NEDD4L: variants seen among roughly 807,000 people sequenced by gnomAD.
The protein encoded by NEDD4L is NEDD4 like E3 ubiquitin protein ligase.
NEDD4L carries 54 observed loss-of-function variants against 148.9 expected under a neutral mutation model. The ratio of observed to expected loss-of-function variants is 0.36; its 90% CI spans 0.29 to 0.45. The LOEUF is 0.45. Ranked by LOEUF, NEDD4L falls within the 20% of genes least tolerant of loss-of-function variation. The probability of loss-of-function intolerance (pLI) is 1.00; values close to 1 mark genes in which losing one functional copy is unlikely to be tolerated. For synonymous variants in NEDD4L, 433 were observed against 440.7 expected (o/e 0.98, Z 0.22); for missense variants, 856 against 1,233.8 (o/e 0.69, Z 4.59).
intron 5 of NEDD4L, among the ~76,000 whole-genome samples, chr18:58,279,333 G>A (rs756323388): frequency 6.6e-6 from 1 of 152,146 alleles, no homozygotes. Flanking sequence ...AAGTTCAAAC[G>A]AAGAAGAAGA....
intron 5 of NEDD4L, among the ~76,000 whole-genome samples, chr18:58,303,387 T>C (rs1354972488): frequency 6.6e-6 from 1 of 152,198 alleles, no homozygotes; most frequent in East Asian, 1.9e-4. Flanking sequence ...TCACATTTCC[T>C]CTCTCATGTT....
At chr18:58,092,447 C>T (rs1248904763) in intron 1 of NEDD4L, among the ~76,000 whole-genome samples, 3 of 151,994 alleles carry the variant, frequency 2.0e-5, no homozygotes, top group African/African-American at 7.3e-5. Context: ...AGGCCCAGGG[C>T]GTCCAAGGGA....
chr18:58,281,151 A>AT (rs145042033), intron 5 of NEDD4L, among the ~76,000 whole-genome samples: 3,094 of 151,884 alleles, frequency 0.02, 93 homozygotes, highest in African/African-American at 0.06. Context: ...CTAATCTTTT[A>AT]TTTTTTTGTA....
intron 2 of NEDD4L, among the ~76,000 whole-genome samples, chr18:58,186,670 A>G (rs1274029951): frequency 6.6e-6 from 1 of 152,232 alleles, no homozygotes; most frequent in Non-Finnish European, 1.5e-5. Context: ...CAGATGAGAA[A>G]AATGGAGGAT....
intron 2 of NEDD4L, among the ~76,000 whole-genome samples, chr18:58,234,225 C>A (rs1294475092): frequency 2.2e-5 from 3 of 136,838 alleles, no homozygotes; most frequent in South Asian, 2.5e-4. Flanking sequence ...CCCTTCCTTC[C>A]TTCTTTCTTT....
chr18:58,273,012 TG>T (rs2148840726), intron 5 of NEDD4L, among the ~76,000 whole-genome samples: 1 of 152,328 alleles, frequency 6.6e-6, no homozygotes, highest in South Asian at 2.1e-4. Context: ...AGGAGTGGCC[TG>T]TAAGCTGAGG....
At chr18:58,165,496 C>A in intron 1 of NEDD4L, 1 of 203,132 alleles carries the variant, frequency 4.9e-6, no homozygotes, top group Non-Finnish European at 8.7e-6. Flanking sequence ...GTTCTTGGTA[C>A]AGCTGGAAAA....
chr18:58,217,119 A>G (rs532400810), intron 2 of NEDD4L, among the ~76,000 whole-genome samples: 1 of 152,234 alleles, frequency 6.6e-6, no homozygotes, highest in South Asian at 2.1e-4. Flanking sequence ...TGTTATAGTG[A>G]GTTGATTGTA....
intron 5 of NEDD4L, among the ~76,000 whole-genome samples, chr18:58,312,676 GT>G (rs1049855551): frequency 1.5e-5 from 2 of 132,344 alleles, no homozygotes; most frequent in African/African-American, 8.7e-5. Context: ...GACATTTTTT[GT>G]TTGTTTGTTT....
chr18:58,090,293 C>T (rs1433044209), intron 1 of NEDD4L, among the ~76,000 whole-genome samples: 1 of 152,154 alleles, frequency 6.6e-6, no homozygotes, highest in African/African-American at 2.4e-5. Flanking sequence ...GGAGGTTTTA[C>T]TATAAGTGTA....
chr18:58,180,433 C>T (rs1253804375), intron 2 of NEDD4L, among the ~76,000 whole-genome samples: 8 of 151,960 alleles, frequency 5.3e-5, no homozygotes, highest in Non-Finnish European at 1.0e-4. Flanking sequence ...AGCACCGAGT[C>T]CTGCACATCC....
chr18:58,253,081 G>A (rs924338227), intron 5 of NEDD4L, among the ~76,000 whole-genome samples: 4 of 152,178 alleles, frequency 2.6e-5, no homozygotes, highest in Non-Finnish European at 5.9e-5. Context: ...ATGGTATGTT[G>A]ACTGGTTAAA....
At chr18:58,056,902 T>C (rs1026037665) in intron 1 of NEDD4L, among the ~76,000 whole-genome samples, 1 of 148,324 alleles carries the variant, frequency 6.7e-6, no homozygotes, top group Non-Finnish European at 1.5e-5. Flanking sequence ...CTCTTTTTTT[T>C]TTTTTTTTGT....
At chr18:58,103,082 C>A (rs902465129) in intron 1 of NEDD4L, among the ~76,000 whole-genome samples, 3 of 151,846 alleles carry the variant, frequency 2.0e-5, no homozygotes, top group African/African-American at 7.3e-5. Flanking sequence ...GGTGTCGATA[C>A]TCCCAGAATG....
At chr18:58,135,637 G>A (rs759321583) in intron 1 of NEDD4L, among the ~76,000 whole-genome samples, 2 of 152,226 alleles carry the variant, frequency 1.3e-5, no homozygotes, top group Non-Finnish European at 2.9e-5. Flanking sequence ...GGCCACAGCC[G>A]ACTTCTTTCT....
intron 2 of NEDD4L, among the ~76,000 whole-genome samples, chr18:58,245,100 A>G (rs2047100524): frequency 6.6e-6 from 1 of 152,244 alleles, no homozygotes; most frequent in Non-Finnish European, 1.5e-5. Context: ...AATATGGATA[A>G]GACCTAAACC....
At chr18:58,191,725 T>G (rs1399249041) in intron 2 of NEDD4L, among the ~76,000 whole-genome samples, 1 of 152,170 alleles carries the variant, frequency 6.6e-6, no homozygotes, top group Non-Finnish European at 1.5e-5. Context: ...AGGCATATAA[T>G]TGGTGATTTC....
intron 1 of NEDD4L, among the ~76,000 whole-genome samples, chr18:58,058,728 T>C (rs1013599139): frequency 2.0e-5 from 3 of 152,198 alleles, no homozygotes; most frequent in Admixed American, 6.5e-5. Flanking sequence ...AAGAGTGAGC[T>C]CAGAGGTCAC....
intron 23 of NEDD4L, 94 bp from the exon 24 acceptor site, chr18:58,373,080 G>A: frequency 1.4e-6 from 1 of 723,356 alleles, no homozygotes; most frequent in Non-Finnish European, 2.5e-6. Context: ...TGAGCATTCT[G>A]CACAGAATTA....
Sources: allele counts gnomAD v4.1 joint callset (sites outside exome capture counted in the v4.1 genomes callset), GRCh38; gene constraint gnomAD v4.1.1; transcripts MANE v1.5; gene names NCBI Gene and HGNC (gene_info 2026-07-23, HGNC 2026-07-21).